Variants in SESTD1 observed in about 807,000 individuals in gnomAD.
SESTD1 encodes the protein SEC14 domain and spectrin repeat-containing protein 1.
A neutral mutation model predicts 101.7 loss-of-function variants in SESTD1; 43 were observed. The observed-to-expected ratio is 0.42, with a 90% CI of 0.33 to 0.55. SESTD1 has a LOEUF of 0.55. SESTD1 is among the 20% of genes least tolerant of loss of function. The pLI, the probability that SESTD1 is intolerant of heterozygous loss-of-function variation, is 0.07. For synonymous variants in SESTD1, 283 were observed against 286.8 expected (o/e 0.99, Z 0.13); for missense variants, 647 against 815.1 (o/e 0.79, Z 2.51).
At chr2:179,250,273 A>T (rs2047296349) in intron 1 of SESTD1, among the ~76,000 whole-genome samples, 1 of 152,236 alleles carries the variant, frequency 6.6e-6, no homozygotes, top group African/African-American at 2.4e-5. Flanking sequence ...ACATGAAAAG[A>T]TGTTCAACAT....
chr2:179,124,234 AC>A (rs1302431497), intron 11 of SESTD1, 129 bp downstream of exon 11: 12 of 831,204 alleles, frequency 1.4e-5, no homozygotes, highest in Non-Finnish European at 2.2e-5. Flanking sequence ...TTATCTCATT[AC>A]CCCCACCAGT....
chr2:179,171,824 C>T (rs563297756), intron 5 of SESTD1, among the ~76,000 whole-genome samples: 46 of 152,192 alleles, frequency 3.0e-4, no homozygotes, highest in Non-Finnish European at 5.1e-4. Context: ...TGTTAAATTT[C>T]CTCTCCATAA....
intron 1 of SESTD1, among the ~76,000 whole-genome samples, chr2:179,241,999 G>C (rs1319627736): frequency 2.0e-5 from 3 of 151,560 alleles, no homozygotes; most frequent in African/African-American, 4.8e-5. Context: ...AGAAATAAGA[G>C]GCATATATGT....
At chr2:179,186,240 G>A (rs942886740) in intron 2 of SESTD1, among the ~76,000 whole-genome samples, 1 of 151,940 alleles carries the variant, frequency 6.6e-6, no homozygotes, top group African/African-American at 2.4e-5. Flanking sequence ...CAGAGCTACA[G>A]TATCTATACT....
At chr2:179,262,879 T>C (rs1273792140) in intron 1 of SESTD1, among the ~76,000 whole-genome samples, 1 of 152,230 alleles carries the variant, frequency 6.6e-6, no homozygotes, top group African/African-American at 2.4e-5. Flanking sequence ...CTTTGTGACC[T>C]CTACTTACAA....
intron 9 of SESTD1, among the ~76,000 whole-genome samples, chr2:179,137,142 A>T (rs551480776): frequency 4.6e-5 from 7 of 152,286 alleles, no homozygotes; most frequent in Admixed American, 2.0e-4. Flanking sequence ...AAACAGTTCT[A>T]TCCCCAATCC....
At chr2:179,172,584 T>A (rs1005135352) in intron 4 of SESTD1, among the ~76,000 whole-genome samples, 2 of 152,126 alleles carry the variant, frequency 1.3e-5, no homozygotes, top group Admixed American at 6.5e-5. Context: ...GTATGAAAAA[T>A]TTTTTCTAAC....
rs2044384021 is a variant in SESTD1 at position 179,106,451 on chromosome 2, A to G, written c.*3448T>C. ...CTATTTCTTCAAATGTAGACCATAGATTCAGCTAACTTCATAATCACATCA... is the reference window on the plus strand; with the variant it reads ...CTATTTCTTCAAATGTAGACCATAGGTTCAGCTAACTTCATAATCACATCA... On this transcript the variant is annotated 3_prime_UTR_variant, in exon 18 of 18. Coordinates refer to ENST00000428443, the MANE Select transcript of SESTD1 (RefSeq NM_178123.5). The G allele has an allele frequency of 6.6e-6, 1 of 152,190 alleles. No homozygotes were observed. Among genetic ancestry groups the G allele is most frequent in the Non-Finnish European group, 1.5e-5 (1 of 68,034 alleles). The allele number at this position is 152,190 out of a possible 1,614,324, so 9.4% of individuals were successfully genotyped here. A position where few individuals can be genotyped will look rare whatever the true frequency, so the allele number is the denominator to read the frequency against.
At chr2:179,261,460 G>C (rs1397714074) in intron 1 of SESTD1, among the ~76,000 whole-genome samples, 1 of 152,022 alleles carries the variant, frequency 6.6e-6, no homozygotes, top group African/African-American at 2.4e-5. Flanking sequence ...TTGCACTTTA[G>C]TTTCCTGGCA....
rs12693183 is a variant in SESTD1 at position 179,264,718 on chromosome 2, G to T, written c.-245C>A. 0.39 allele frequency: 58,059 copies of T among 150,768 alleles called. 14,462 individuals carry two copies. The highest frequency in any genetic ancestry group is 0.71 in the African/African-American group (29,176 of 41,028). The allele number at this position is 150,768 out of a possible 1,614,324, so 9.3% of individuals were successfully genotyped here. A position where few individuals can be genotyped will look rare whatever the true frequency, so the allele number is the denominator to read the frequency against. ...CTCCGTGCGTCAGGCGGGGAGCGGG[G>T]GTGCGGGTGGCCCGGCGACCTCTCG... On this transcript the variant is annotated 5_prime_UTR_variant, in exon 1 of 18. Coordinates refer to ENST00000428443, the MANE Select transcript of SESTD1 (RefSeq NM_178123.5).
chr2:179,136,261 G>A (rs1291782068), intron 9 of SESTD1, among the ~76,000 whole-genome samples: 1 of 152,192 alleles, frequency 6.6e-6, no homozygotes, highest in South Asian at 2.1e-4. Context: ...ATGTAAGACA[G>A]CACATTAATG....
At chr2:179,120,179 T>C (rs557398031) in intron 13 of SESTD1, among the ~76,000 whole-genome samples, 9 of 151,760 alleles carry the variant, frequency 5.9e-5, no homozygotes, top group Admixed American at 5.9e-4. Context: ...CAGTGAGCCT[T>C]GATCATACCA....
chr2:179,129,444 G>C (rs1369173275), intron 10 of SESTD1, among the ~76,000 whole-genome samples: 1 of 151,986 alleles, frequency 6.6e-6, no homozygotes, highest in African/African-American at 2.4e-5. Flanking sequence ...CCTTGAACTA[G>C]AACTACAGGT....
chr2:179,164,981 C>T (rs1287448374), intron 5 of SESTD1, among the ~76,000 whole-genome samples: 1 of 152,052 alleles, frequency 6.6e-6, no homozygotes, highest in African/African-American at 2.4e-5. Flanking sequence ...ATTACAACAG[C>T]CTAAATTATC....
chr2:179,242,693 C>CA (rs1367324435), intron 1 of SESTD1, among the ~76,000 whole-genome samples: 3 of 152,014 alleles, frequency 2.0e-5, no homozygotes, highest in Non-Finnish European at 4.4e-5. Flanking sequence ...ACAATACAAG[C>CA]AATGGGAAAG....
rs571465308 is a variant in SESTD1 at position 179,197,355 on chromosome 2, G to A, written c.-25-5489C>T. Among the ~76,000 whole-genome samples the A allele has an allele frequency of 3.9e-5, 6 of 152,276 alleles. No individual in the cohort carries two copies. In the East Asian group the frequency reaches 9.7e-4, roughly 25 times the overall value. ...TCACTGGAGTACCTGAAAGTGATGG[G>A]GAGAATGGAACCAAGTTGGAAAACA... On this transcript the variant is annotated intron_variant, in intron 1 of 17. Coordinates refer to ENST00000428443, the MANE Select transcript of SESTD1 (RefSeq NM_178123.5).
chr2:179,104,404 A>C lies in SESTD1; in HGVS notation c.*5495T>G, dbSNP rs554293499. 2 of 152,266 alleles carry C rather than the reference A, an allele frequency of 1.3e-5. No homozygotes were observed. The highest frequency in any genetic ancestry group is 3.9e-4 in the East Asian group (2 of 5,186). The allele number at this position is 152,266 out of a possible 1,614,324, so 9.4% of individuals were successfully genotyped here. A position where few individuals can be genotyped will look rare whatever the true frequency, so the allele number is the denominator to read the frequency against. ...TCCTAAGAGAAAAATCAAACATACA[A>C]ATTTTATTTACCCTAACTTCCAGAC... On this transcript the variant is annotated 3_prime_UTR_variant, in exon 18 of 18. Coordinates refer to ENST00000428443, the MANE Select transcript of SESTD1 (RefSeq NM_178123.5).
At chr2:179,234,934 T>G (rs1245798693) in intron 1 of SESTD1, among the ~76,000 whole-genome samples, 1 of 144,324 alleles carries the variant, frequency 6.9e-6, no homozygotes, top group Non-Finnish European at 1.5e-5. Context: ...CATAGTGAGA[T>G]CTCATCTCTT....
intron 10 of SESTD1, among the ~76,000 whole-genome samples, chr2:179,126,119 C>T (rs749645094): frequency 5.9e-5 from 9 of 152,150 alleles, no homozygotes; most frequent in East Asian, 3.8e-4. Context: ...CATTTTACTA[C>T]GCTGAAATTA....
Sources: allele counts gnomAD v4.1 joint callset (sites outside exome capture counted in the v4.1 genomes callset), GRCh38; gene constraint gnomAD v4.1.1; transcripts MANE v1.5; gene names NCBI Gene and HGNC (gene_info 2026-07-23, HGNC 2026-07-21).